The following MACROD2 variants were observed in gnomAD, a reference collection of about 807,000 sequenced individuals.
The protein encoded by MACROD2 is ADP-ribose glycohydrolase MACROD2.
Under a neutral mutation model 70.4 loss-of-function variants are expected in MACROD2, and 36 were observed. The ratio of observed to expected loss-of-function variants is 0.51; its 90% CI spans 0.39 to 0.68. The LOEUF (loss-of-function observed/expected upper bound fraction) is 0.68, where lower values mean the gene tolerates loss of function less well. Ranked by LOEUF, MACROD2 falls within the 30% of genes least tolerant of loss-of-function variation. The pLI, the probability that MACROD2 is intolerant of heterozygous loss-of-function variation, is 0.00. For synonymous variants in MACROD2, 172 were observed against 178.8 expected (o/e 0.96, Z 0.30); for missense variants, 496 against 538.4 (o/e 0.92, Z 0.78).
At chr20:15,713,982 C>T (rs1382965163) in intron 8 of MACROD2, among the ~76,000 whole-genome samples, 1 of 134,570 alleles carries the variant, frequency 7.4e-6, no homozygotes, top group African/African-American at 3.2e-5. Context: ...AACACACACA[C>T]ATATGCACAC....
chr20:15,833,258 C>A (rs1429307993), intron 8 of MACROD2, among the ~76,000 whole-genome samples: 1 of 152,214 alleles, frequency 6.6e-6, no homozygotes, highest in Non-Finnish European at 1.5e-5. Flanking sequence ...TCCAAATTCA[C>A]ACACGCACAC....
intron 4 of MACROD2, among the ~76,000 whole-genome samples, chr20:14,578,188 A>G (rs114217184): frequency 0.018 from 2,758 of 151,278 alleles, 83 homozygotes; most frequent in African/African-American, 0.064. Flanking sequence ...ACATATATCA[A>G]TGGCAGGTTT....
At chr20:15,838,991 T>C (rs2064143359) in intron 8 of MACROD2, among the ~76,000 whole-genome samples, 1 of 152,172 alleles carries the variant, frequency 6.6e-6, no homozygotes, top group African/African-American at 2.4e-5. Flanking sequence ...TGCTTATATA[T>C]GGATATGACT....
At chr20:15,970,062 A>G (rs569913824) in intron 13 of MACROD2, among the ~76,000 whole-genome samples, 1 of 152,268 alleles carries the variant, frequency 6.6e-6, no homozygotes, top group East Asian at 1.9e-4. Flanking sequence ...TTCAATATGT[A>G]TAATGAAAAT....
intron 2 of MACROD2, among the ~76,000 whole-genome samples, chr20:14,067,178 C>G (rs1185381570): frequency 1.5e-5 from 2 of 134,412 alleles, no homozygotes; most frequent in Non-Finnish European, 3.0e-5. Context: ...GGCTGGGGTG[C>G]AGTGGTGCTA....
At chr20:14,882,942 A>G (rs1016717394) in intron 5 of MACROD2, among the ~76,000 whole-genome samples, 1 of 152,168 alleles carries the variant, frequency 6.6e-6, no homozygotes, top group Non-Finnish European at 1.5e-5. Flanking sequence ...GCCCTCTTAC[A>G]TAAGCCATAA....
intron 12 of MACROD2, among the ~76,000 whole-genome samples, chr20:15,963,265 G>A (rs2066089929): frequency 6.6e-6 from 1 of 152,140 alleles, no homozygotes; most frequent in East Asian, 1.9e-4. Flanking sequence ...GTAGGTTTTT[G>A]TGTATAGCAG....
intron 6 of MACROD2, among the ~76,000 whole-genome samples, chr20:15,344,395 G>A (rs1338888570): frequency 6.6e-6 from 1 of 152,064 alleles, no homozygotes; most frequent in African/African-American, 2.4e-5. Context: ...CTGAGTGATT[G>A]GTAGGGCCAG....
intron 5 of MACROD2, among the ~76,000 whole-genome samples, chr20:14,988,756 T>A (rs941718948): frequency 6.6e-6 from 1 of 152,194 alleles, no homozygotes; most frequent in Non-Finnish European, 1.5e-5. Context: ...GATTGAAAAC[T>A]ATCTAATAAA....
At chr20:14,401,970 AC>A (rs2083642555) in intron 3 of MACROD2, among the ~76,000 whole-genome samples, 1 of 152,180 alleles carries the variant, frequency 6.6e-6, no homozygotes, top group South Asian at 2.1e-4. Flanking sequence ...CAGCTTGCCA[AC>A]AAACCAGAGA....
chr20:15,395,707 A>G (rs1303726168), intron 6 of MACROD2, among the ~76,000 whole-genome samples: 3 of 152,194 alleles, frequency 2.0e-5, no homozygotes, highest in Non-Finnish European at 4.4e-5. Flanking sequence ...TTTCATTACC[A>G]TGCTAGCTTC....
At chr20:14,403,714 A>G (rs6110277) in intron 3 of MACROD2, among the ~76,000 whole-genome samples, 4,011 of 152,278 alleles carry the variant, frequency 0.026, 183 homozygotes, top group African/African-American at 0.091. Context: ...AAATGCTGCA[A>G]AATGAGAATT....
intron 2 of MACROD2, among the ~76,000 whole-genome samples, chr20:14,012,827 C>T (rs1225444541): frequency 2.6e-5 from 4 of 152,128 alleles, no homozygotes; most frequent in African/African-American, 7.2e-5. Context: ...TAAGTGGATA[C>T]TTGAAATACT....
At chr20:15,701,217 C>A (rs1045256991) in intron 8 of MACROD2, among the ~76,000 whole-genome samples, 2 of 152,168 alleles carry the variant, frequency 1.3e-5, no homozygotes, top group African/African-American at 4.8e-5. Context: ...GTAGTTGTGA[C>A]AGAGACTATG....
Position 14,677,326 on chromosome 20 carries a change from T to C in MACROD2, c.302-7517T>C, listed in dbSNP as rs16994798. Among the ~76,000 whole-genome samples, 1,323 of 152,296 alleles carry C rather than the reference T, an allele frequency of 8.7e-3. 13 individuals carry two copies. The highest frequency in any genetic ancestry group is 0.03 in the African/African-American group (1,252 of 41,566). ...AGCTCCAAGGTAATATGAACAAAAG[T>C]GACAACAATTCCCCTCAAGCATAAC... is the stretch of plus-strand genomic sequence containing the variant. On this transcript the variant is annotated intron_variant, in intron 4 of 17. Coordinates refer to ENST00000684519, the MANE Select transcript of MACROD2 (RefSeq NM_001351661.2).
At chr20:14,710,109 A>G (rs2071319990) in intron 5 of MACROD2, among the ~76,000 whole-genome samples, 2 of 152,242 alleles carry the variant, frequency 1.3e-5, no homozygotes. Context: ...AGCAGCGGTC[A>G]GAAGATAATT....
At chr20:14,133,120 A>G (rs2054740940) in intron 3 of MACROD2, among the ~76,000 whole-genome samples, 1 of 152,176 alleles carries the variant, frequency 6.6e-6, no homozygotes, top group Admixed American at 6.5e-5. Context: ...TGTTTTATTC[A>G]AAACATCAGT....
At chr20:14,862,054 T>A (rs868633092) in intron 5 of MACROD2, among the ~76,000 whole-genome samples, 3 of 3,058 alleles carry the variant, frequency 9.8e-4, no homozygotes, top group South Asian at 0.026. Flanking sequence ...TATATATTTA[T>A]ATATATATAA....
At chr20:15,441,275 A>G (rs1303101839) in intron 7 of MACROD2, among the ~76,000 whole-genome samples, 1 of 152,160 alleles carries the variant, frequency 6.6e-6, no homozygotes. Context: ...CGTCTTTAAT[A>G]TTAAAATGAC....
Sources: gnomAD v4.1 joint callset for allele counts (sites outside exome capture counted in the v4.1 genomes callset) on GRCh38, gnomAD v4.1.1 for gene constraint, MANE v1.5 for transcripts, NCBI Gene and HGNC (gene_info 2026-07-23, HGNC 2026-07-21) for gene names.